The following MAP4K3 variants were observed in gnomAD, a reference collection of about 807,000 sequenced individuals.
The protein encoded by MAP4K3 is mitogen-activated protein kinase kinase kinase kinase 3.
In MAP4K3, 94 loss-of-function variants were observed where a neutral mutation model predicts 143.5. The ratio of observed to expected loss-of-function variants is 0.65; its 90% CI spans 0.55 to 0.78. The LOEUF (loss-of-function observed/expected upper bound fraction) is 0.78, where lower values mean the gene tolerates loss of function less well. Among genes scored for constraint, MAP4K3 ranks in the 30% least tolerant of loss-of-function variants. The probability of loss-of-function intolerance (pLI) is 0.00; values close to 1 mark genes in which losing one functional copy is unlikely to be tolerated. For synonymous variants in MAP4K3, 416 were observed against 347.2 expected, an observed-to-expected ratio of 1.20 and a Z score of -2.20; for missense variants, 1,077 against 1,068.1, an observed-to-expected ratio of 1.01 and a Z score of -0.12.
At position 39,254,481 on chromosome 2, in the gene MAP4K3, C is replaced by G. The variant is rs1413159776; in HGVS notation, c.2510G>C (p.Gly837Ala). ...AGATCTAAAACTTCTACCTTGCATT[C>G]CATGTTTCCAGAAAGCTAGCACACT... ...QDSVLAFWKH[G>A]MQGRSFRSNE... The change falls in exon 32 of 34, where the codon GGA becomes GCA. Residue 837 changes from glycine (G) to alanine (A), a missense_variant. Coordinates refer to ENST00000263881, the MANE Select transcript of MAP4K3 (RefSeq NM_003618.4). 1 of 1,613,840 alleles carries G rather than the reference C, an allele frequency of 6.2e-7. No individual in the cohort carries two copies. The highest frequency in any genetic ancestry group is 8.5e-7 in the Non-Finnish European group (1 of 1,179,852).
chr2:39,356,973 C>A (rs1414990878), intron 2 of MAP4K3, among the ~76,000 whole-genome samples: 1 of 152,200 alleles, frequency 6.6e-6, no homozygotes, highest in East Asian at 1.9e-4. Flanking sequence ...GAGGCCTACA[C>A]TCAAGCAGTA....
chr2:39,419,420 C>T (rs1219506035), intron 1 of MAP4K3, among the ~76,000 whole-genome samples: 1 of 152,032 alleles, frequency 6.6e-6, no homozygotes, highest in Non-Finnish European at 1.5e-5. Flanking sequence ...GCAGTATTAC[C>T]TTATAGAAAT....
At chr2:39,309,648 C>T (rs886246907) in intron 13 of MAP4K3, 129 bp from the exon 14 acceptor site, 11 of 555,062 alleles carry the variant, frequency 2.0e-5, no homozygotes, top group African/African-American at 9.8e-5. Context: ...ATCTCCACCC[C>T]CTGGGTTCCC....
At chr2:39,371,194 T>C (rs903766907) in intron 2 of MAP4K3, among the ~76,000 whole-genome samples, 7 of 152,296 alleles carry the variant, frequency 4.6e-5, no homozygotes, top group African/African-American at 9.6e-5. Flanking sequence ...ATAAGAGTTT[T>C]TGTAATATTT....
intron 13 of MAP4K3, among the ~76,000 whole-genome samples, chr2:39,311,559 G>A (rs770353272): frequency 2.0e-5 from 3 of 152,206 alleles, no homozygotes; most frequent in Non-Finnish European, 1.5e-5. Flanking sequence ...CTGTATATGA[G>A]TTCCAAGATA....
chr2:39,257,467 C>A (rs995018888), intron 31 of MAP4K3, among the ~76,000 whole-genome samples: 2 of 152,116 alleles, frequency 1.3e-5, no homozygotes, highest in African/African-American at 4.8e-5. Context: ...CTACAGGAGT[C>A]TGGAGGAAAT....
intron 1 of MAP4K3, among the ~76,000 whole-genome samples, chr2:39,379,323 A>G (rs993889717): frequency 6.6e-6 from 1 of 152,140 alleles, no homozygotes; most frequent in African/African-American, 2.4e-5. Flanking sequence ...AGAAATTAAT[A>G]AAATTTGCAG....
intron 1 of MAP4K3, among the ~76,000 whole-genome samples, chr2:39,395,516 G>A (rs961717493): frequency 6.6e-6 from 1 of 152,118 alleles, no homozygotes; most frequent in Non-Finnish European, 1.5e-5. Context: ...GACCTCATGA[G>A]GCTAAACTAT....
chr2:39,258,273 T>A (rs1442769717), intron 31 of MAP4K3, 75 bp downstream of exon 31: 6 of 992,738 alleles, frequency 6.0e-6, no homozygotes, highest in Non-Finnish European at 9.0e-6. Flanking sequence ...AATATCAATC[T>A]TTAATTTTGG....
At chr2:39,296,155 T>A (rs1682273709) in intron 16 of MAP4K3, among the ~76,000 whole-genome samples, 1 of 152,250 alleles carries the variant, frequency 6.6e-6, no homozygotes, top group Non-Finnish European at 1.5e-5. Context: ...TTCATTTACC[T>A]ATAAATCCCC....
chr2:39,272,367 G>A lies in MAP4K3; in HGVS notation c.1889C>T (p.Pro630Leu). The A allele has an allele frequency of 6.2e-7, 1 of 1,613,368 alleles. No homozygotes were observed. Among genetic ancestry groups the A allele is most frequent in the Non-Finnish European group, 8.5e-7 (1 of 1,179,696 alleles). The change falls in exon 26 of 34, where the codon CCA becomes CTA. Residue 630 changes from proline (P) to leucine (L), a missense_variant. By Grantham distance (98) the Pro-to-Leu change is moderately conservative. Coordinates refer to ENST00000263881, the MANE Select transcript of MAP4K3 (RefSeq NM_003618.4). ...KASQLYSHNL[P>L]GLFDYARQMQ... ...TTGTCTTGCATAATCAAAAAGCCCTGGTAAATTATGGGAATAAAGCTGAGA... is the reference window on the plus strand; with the variant it reads ...TTGTCTTGCATAATCAAAAAGCCCTAGTAAATTATGGGAATAAAGCTGAGA...
Position 39,251,901 on chromosome 2 carries a change from A to G in MAP4K3, c.2542-16T>C. 1 of 1,599,568 alleles carries G rather than the reference A, an allele frequency of 6.3e-7. No homozygotes were observed. ...CTTGTGTTACCTGTTCAATTAAAACACAAATTTAATTTCTGAAATTAAAGA... is the reference window on the plus strand; with the variant it reads ...CTTGTGTTACCTGTTCAATTAAAACGCAAATTTAATTTCTGAAATTAAAGA... On this transcript the variant is annotated splice_polypyrimidine_tract_variant and intron_variant, in intron 32 of 33. Coordinates refer to ENST00000263881, the MANE Select transcript of MAP4K3 (RefSeq NM_003618.4).
At chr2:39,324,354 C>T (rs1683416802) in intron 12 of MAP4K3, among the ~76,000 whole-genome samples, 1 of 151,980 alleles carries the variant, frequency 6.6e-6, no homozygotes, top group Non-Finnish European at 1.5e-5. Context: ...CTGCAGTGAG[C>T]TGAGAGCATG....
chr2:39,253,257 C>CCG (rs1252923135), intron 32 of MAP4K3, among the ~76,000 whole-genome samples: 2 of 152,152 alleles, frequency 1.3e-5, no homozygotes, highest in Non-Finnish European at 2.9e-5. Flanking sequence ...TCAGCCTCTC[C>CCG]CGAGTAGCTG....
chr2:39,319,792 C>A (rs114651792), intron 12 of MAP4K3, among the ~76,000 whole-genome samples: 4,962 of 152,180 alleles, frequency 0.033, 102 homozygotes, highest in African/African-American at 0.052. Flanking sequence ...GCTCTTAATC[C>A]ATATGTAACC....
chr2:39,353,212 G>T (rs768212388), intron 3 of MAP4K3, among the ~76,000 whole-genome samples: 35 of 152,188 alleles, frequency 2.3e-4, no homozygotes, highest in Non-Finnish European at 1.0e-4. Context: ...TGGGCTATAT[G>T]ACAACATCTC....
chr2:39,390,670 G>A (rs757637789), intron 1 of MAP4K3, among the ~76,000 whole-genome samples: 1 of 151,884 alleles, frequency 6.6e-6, no homozygotes, highest in Non-Finnish European at 1.5e-5. Flanking sequence ...ATTCATGTAC[G>A]TATATCATTA....
chr2:39,366,836 G>A (rs1321226261), intron 2 of MAP4K3, among the ~76,000 whole-genome samples: 1 of 152,042 alleles, frequency 6.6e-6, no homozygotes, highest in Non-Finnish European at 1.5e-5. Context: ...ATAAGAAATT[G>A]GCTTAAGTAA....
chr2:39,367,031 T>C (rs993756807), intron 2 of MAP4K3, among the ~76,000 whole-genome samples: 2 of 152,200 alleles, frequency 1.3e-5, no homozygotes, highest in Non-Finnish European at 2.9e-5. Context: ...AATATTTGTA[T>C]TTTTTTCAGA....
Sources: allele counts gnomAD v4.1 joint callset (sites outside exome capture counted in the v4.1 genomes callset), GRCh38; gene constraint gnomAD v4.1.1; transcripts MANE v1.5; gene names NCBI Gene and HGNC (gene_info 2026-07-23, HGNC 2026-07-21).